Variants in CACNA1E observed in about 807,000 individuals in gnomAD.
The protein encoded by CACNA1E is voltage-dependent R-type calcium channel subunit alpha-1E.
CACNA1E carries 40 observed loss-of-function variants against 259.2 expected under a neutral mutation model. That is an observed-to-expected ratio of 0.15 (90% CI 0.12 to 0.20). CACNA1E has a LOEUF of 0.20. Ranked by LOEUF, CACNA1E falls within the 10% of genes least tolerant of loss-of-function variation. CACNA1E has a pLI of 1.00. For missense variants in CACNA1E, 1,874 were observed against 3,040.1 expected (o/e 0.62, Z 9.02); for synonymous variants, 1,104 against 1,138.5 (o/e 0.97, Z 0.61).
intron 6 of CACNA1E, among the ~76,000 whole-genome samples, chr1:181,606,630 C>T (rs1025550506): frequency 1.6e-4 from 24 of 152,206 alleles, no homozygotes; most frequent in African/African-American, 5.8e-4. Context: ...TATGTCACTT[C>T]CCTTTTTATA....
chr1:181,758,255 C>A lies in CACNA1E; in HGVS notation c.4494+144C>A. ...AATCCTTTTGTGATCTTATTTTGTT[C>A]AATAACCCAACCTCTGGGGCTTTGG... On this transcript the variant is annotated intron_variant, in intron 31 of 47. Coordinates refer to ENST00000367573, the MANE Select transcript of CACNA1E (RefSeq NM_001205293.3). This position sits in a 1 kb window ranked among gnomAD's most constrained non-coding sequence, Gnocchi z 4.2. The A allele has an allele frequency of 2.4e-6, 2 of 820,860 alleles. No homozygotes were observed. The highest frequency in any genetic ancestry group is 3.8e-6 in the Non-Finnish European group (2 of 528,612). 50.8% of individuals were successfully genotyped at this position (820,860 alleles called of 1,614,324 possible).
chr1:181,745,329 TA>T (rs1386940822), intron 25 of CACNA1E: 6 of 487,700 alleles, frequency 1.2e-5, no homozygotes, highest in African/African-American at 1.0e-4. Context: ...AACACCCAAG[TA>T]TTTTTTTTTT....
intron 6 of CACNA1E, among the ~76,000 whole-genome samples, chr1:181,594,057 TA>T (rs1262809873): frequency 1.3e-5 from 2 of 152,188 alleles, no homozygotes; most frequent in African/African-American, 4.8e-5. Flanking sequence ...AATAAAAAGT[TA>T]AGAACATCAT....
chr1:181,494,075 C>T (rs1664533842), intron 1 of CACNA1E, among the ~76,000 whole-genome samples: 1 of 152,118 alleles, frequency 6.6e-6, no homozygotes, highest in Non-Finnish European at 1.5e-5. Context: ...ACTCAGAGGT[C>T]ACTTCCTCTG....
chr1:181,725,210 A>T (rs1193659400), intron 17 of CACNA1E, among the ~76,000 whole-genome samples: 3 of 152,224 alleles, frequency 2.0e-5, no homozygotes, highest in Non-Finnish European at 2.9e-5. Flanking sequence ...AGCTTCTTCC[A>T]TGCATTCTCT....
chr1:181,696,309 G>A (rs72733193), intron 7 of CACNA1E, among the ~76,000 whole-genome samples: 17,908 of 151,916 alleles, frequency 0.12, 1,095 homozygotes, highest in Middle Eastern at 0.16. Context: ...GCACTTGGGT[G>A]TTTTGTGTAA....
In CACNA1E at chr1:181,423,715, C is replaced by T. The variant is rs963141597; in HGVS notation, c.434+10135C>T. Among the ~76,000 whole-genome samples the T allele has an allele frequency of 6.3e-5, 9 of 143,684 alleles. No homozygotes were observed. The Admixed American group carries it at 6.6e-4, about 11-fold the overall frequency. The allele number at this position is 143,684 out of a possible 152,430, so 94.3% of individuals were successfully genotyped here. A position where few individuals can be genotyped will look rare whatever the true frequency, so the allele number is the denominator to read the frequency against. ...GAAAGGCGGCCAGCCTCCTGCAGAT[C>T]TAGTGAGACTAAGTGGAGACCTCAG... On this transcript the variant is annotated intron_variant, in intron 2 of 11. Transcript: ENST00000524607.
chr1:181,471,227 C>T (rs753869818), intron 2 of CACNA1E, among the ~76,000 whole-genome samples: 1 of 152,200 alleles, frequency 6.6e-6, no homozygotes, highest in Non-Finnish European at 1.5e-5. Flanking sequence ...CCTCTTAATA[C>T]TTCTGCATTG....
intron 3 of CACNA1E, among the ~76,000 whole-genome samples, chr1:181,547,664 G>A (rs1647639574): frequency 6.6e-6 from 1 of 152,242 alleles, no homozygotes; most frequent in Non-Finnish European, 1.5e-5. Flanking sequence ...AGCTGACTGG[G>A]ATGTTGTCAT....
intron 6 of CACNA1E, among the ~76,000 whole-genome samples, chr1:181,610,818 A>G (rs1366411621): frequency 6.6e-6 from 1 of 152,224 alleles, no homozygotes; most frequent in Non-Finnish European, 1.5e-5. Context: ...TCTAATATAA[A>G]TAAAAACAAT....
intron 6 of CACNA1E, among the ~76,000 whole-genome samples, chr1:181,600,687 G>T (rs1008006535): frequency 8.5e-5 from 13 of 152,156 alleles, no homozygotes; most frequent in African/African-American, 3.1e-4. Flanking sequence ...GTTGAGCAAG[G>T]TCAAGAGTTG....
chr1:181,559,125 G>GAT lies in CACNA1E; in HGVS notation c.513-18641_513-18640insAT, dbSNP rs1182277082. 2.0e-5 allele frequency among the ~76,000 whole-genome samples: 3 copies of GAT among 152,226 alleles called. 1 individual carries two copies. The East Asian group carries it at 5.8e-4, about 29-fold the overall frequency. On this transcript the variant is annotated intron_variant, in intron 3 of 47. Transcript: ENST00000367573. ...CAGATCACAGAGATCAGTGGAGACA[G>GAT]CCTGAATCTTGCAGGGCCTGGGAGA... is the stretch of plus-strand genomic sequence containing the variant.
intron 6 of CACNA1E, among the ~76,000 whole-genome samples, chr1:181,587,814 T>C (rs1416954011): frequency 6.6e-6 from 1 of 151,988 alleles, no homozygotes; most frequent in Non-Finnish European, 1.5e-5. Flanking sequence ...ACCCGGGAGG[T>C]GGAGCTTGCA....
chr1:181,461,934 C>A (rs1175939683), intron 2 of CACNA1E, among the ~76,000 whole-genome samples: 1 of 152,086 alleles, frequency 6.6e-6, no homozygotes, highest in Non-Finnish European at 1.5e-5. Context: ...ACACACATAC[C>A]TGTATGTATA....
At chr1:181,335,522 T>C (rs540321051) in intron 1 of CACNA1E, among the ~76,000 whole-genome samples, 21 of 152,230 alleles carry the variant, frequency 1.4e-4, no homozygotes, top group Admixed American at 7.2e-4. Context: ...GATACCCTCT[T>C]TGGATTCACA....
chr1:181,733,491 G>T lies in CACNA1E; in HGVS notation c.3003G>T (p.Glu1001Asp). Residue 1001 changes from glutamate to aspartate, a missense_variant, in exon 21 of 48, where the codon GAG (glutamate) becomes GAT (aspartate). Physicochemically the swap from Glu to Asp is conservative, Grantham distance 45 (BLOSUM62 2). Around this residue, in one of 14 missense-constraint regions of CACNA1E, gnomAD observed 476 missense variants for 514.0 expected, o/e 0.93. Transcript: ENST00000367573. Reference protein sequence around the residue: ...RGSGLAGGLDEADTPLVLPHP... With the variant: ...RGSGLAGGLDDADTPLVLPHP... ...CCGGGCTGGCAGGAGGCCTTGATGA[G>T]GCTGACACCCCCCTAGTCCTGCCCC... is the stretch of plus-strand genomic sequence containing the variant. The T allele has an allele frequency of 6.3e-7, 1 of 1,584,998 alleles. No individual in the cohort carries two copies. Among genetic ancestry groups the T allele is most frequent in the Admixed American group, 1.7e-5 (1 of 57,318 alleles).
intron 3 of CACNA1E, among the ~76,000 whole-genome samples, chr1:181,567,370 A>G (rs1649949846): frequency 6.6e-6 from 1 of 152,302 alleles, no homozygotes; most frequent in East Asian, 1.9e-4. Flanking sequence ...CTGTGGTCTT[A>G]GAAGAAAGTC....
At chr1:181,382,698 C>A (rs960199421) in intron 1 of CACNA1E, among the ~76,000 whole-genome samples, 2 of 152,196 alleles carry the variant, frequency 1.3e-5, no homozygotes, top group Non-Finnish European at 2.9e-5. Flanking sequence ...ATAGCAATAA[C>A]AATCTTCTCT....
intron 32 of CACNA1E, among the ~76,000 whole-genome samples, chr1:181,759,189 C>T (rs192794529): frequency 1.6e-4 from 24 of 152,280 alleles, no homozygotes; most frequent in Non-Finnish European, 2.5e-4. Flanking sequence ...TAATAAACTT[C>T]GAGTGCTTAT....
Sources: gnomAD v4.1 joint callset for allele counts (sites outside exome capture counted in the v4.1 genomes callset) on GRCh38, gnomAD v4.1.1 for gene constraint, gnomAD v4.1.1 regional missense constraint, Gnocchi (gnomAD v3.1) non-coding constraint, MANE v1.5 for transcripts, NCBI Gene and HGNC (gene_info 2026-07-23, HGNC 2026-07-21) for gene names.